The following PACRG variants were observed in gnomAD, a reference collection of about 807,000 sequenced individuals.
The protein encoded by PACRG is parkin coregulated gene protein.
In PACRG, 29 loss-of-function variants were observed where a neutral mutation model predicts 29.7. That is an observed-to-expected ratio of 0.98 (90% CI 0.73 to 1.33). PACRG has a LOEUF of 1.33. Among genes scored for constraint, PACRG ranks in the 40% most tolerant of loss-of-function variants. The probability of loss-of-function intolerance (pLI) is 0.00; values close to 1 mark genes in which losing one functional copy is unlikely to be tolerated. For synonymous variants in PACRG, 116 were observed against 118.7 expected (o/e 0.98, Z 0.15); for missense variants, 279 against 316.2 (o/e 0.88, Z 0.89).
At chr6:163,198,315 T>C (rs2128148092) in intron 4 of PACRG, among the ~76,000 whole-genome samples, 1 of 152,330 alleles carries the variant, frequency 6.6e-6, no homozygotes, top group South Asian at 2.1e-4. Context: ...TATTCAGAGT[T>C]TGATTATTTG....
chr6:162,899,304 A>G (rs950401228), intron 2 of PACRG, among the ~76,000 whole-genome samples: 1 of 152,160 alleles, frequency 6.6e-6, no homozygotes, highest in Admixed American at 6.5e-5. Flanking sequence ...TGAAGACAGG[A>G]GAGCTGGCAT....
chr6:163,009,750 C>T, intron 2 of PACRG, among the ~76,000 whole-genome samples: 1 of 152,188 alleles, frequency 6.6e-6, no homozygotes, highest in Non-Finnish European at 1.5e-5. Context: ...ATTTACACCT[C>T]TGGAAGCTGT....
At chr6:162,934,658 C>T (rs1327341928) in intron 2 of PACRG, among the ~76,000 whole-genome samples, 1 of 151,962 alleles carries the variant, frequency 6.6e-6, no homozygotes, top group African/African-American at 2.4e-5. Flanking sequence ...TCCTTTGTTT[C>T]TTTCTTCCTC....
chr6:162,844,257 G>T (rs1194287126), intron 2 of PACRG, among the ~76,000 whole-genome samples: 2 of 152,152 alleles, frequency 1.3e-5, no homozygotes, highest in Non-Finnish European at 2.9e-5. Context: ...GAGACTCCGT[G>T]GGCGTAGGAC....
chr6:162,747,933 A>G (rs1471201039), intron 1 of PACRG, among the ~76,000 whole-genome samples: 1 of 152,140 alleles, frequency 6.6e-6, no homozygotes, highest in Non-Finnish European at 1.5e-5. Flanking sequence ...AAGAAGGGAG[A>G]ACATTCTGGA....
intron 4 of PACRG, chr6:163,191,108 AC>A (rs1309640402): frequency 1.3e-5 from 5 of 389,336 alleles, no homozygotes; most frequent in African/African-American, 1.0e-4. Flanking sequence ...TAAAAGAGGG[AC>A]TATGTATTCA....
At chr6:163,188,894 A>G (rs943924479) in intron 4 of PACRG, among the ~76,000 whole-genome samples, 2 of 152,242 alleles carry the variant, frequency 1.3e-5, no homozygotes, top group African/African-American at 4.8e-5. Flanking sequence ...ATTCATTTGC[A>G]GACATTGACT....
intron 1 of PACRG, among the ~76,000 whole-genome samples, chr6:162,806,964 T>A (rs777356160): frequency 1.3e-5 from 2 of 152,222 alleles, no homozygotes; most frequent in Non-Finnish European, 1.5e-5. Flanking sequence ...CTTAGGTAGA[T>A]CTTCTGGAAA....
chr6:162,785,196 GA>G (rs1784372716), intron 1 of PACRG, among the ~76,000 whole-genome samples: 2 of 151,254 alleles, frequency 1.3e-5, no homozygotes, highest in African/African-American at 4.9e-5. Flanking sequence ...GAGAGAGAGA[GA>G]GAGAGGGAGA....
intron 2 of PACRG, among the ~76,000 whole-genome samples, chr6:163,026,288 A>G (rs1296573134): frequency 6.6e-6 from 1 of 152,252 alleles, no homozygotes; most frequent in Non-Finnish European, 1.5e-5. Flanking sequence ...TTTGATTCAG[A>G]CAAATGTCAA....
chr6:163,158,871 A>G (rs10945876), intron 4 of PACRG, among the ~76,000 whole-genome samples: 35,918 of 151,908 alleles, frequency 0.24, 5,372 homozygotes, highest in African/African-American at 0.42. Context: ...TTTGCAATGG[A>G]ATTGCAAAAC....
At chr6:163,088,058 G>C (rs930333760) in intron 3 of PACRG, among the ~76,000 whole-genome samples, 1 of 152,208 alleles carries the variant, frequency 6.6e-6, no homozygotes, top group African/African-American at 2.4e-5. Context: ...GGAAGAAAAA[G>C]AAGTTCAGGG....
intron 4 of PACRG, among the ~76,000 whole-genome samples, chr6:163,121,980 C>A (rs1320849922): frequency 6.6e-6 from 1 of 151,956 alleles, no homozygotes; most frequent in East Asian, 1.9e-4. Flanking sequence ...TTTTCTCTTT[C>A]TCTTTTTTCT....
At chr6:163,193,078 C>T (rs897527670) in intron 4 of PACRG, among the ~76,000 whole-genome samples, 5 of 152,138 alleles carry the variant, frequency 3.3e-5, no homozygotes, top group Non-Finnish European at 5.9e-5. Context: ...TTGATACAGA[C>T]ATTTGAAGCC....
intron 4 of PACRG, among the ~76,000 whole-genome samples, chr6:163,275,733 A>C (rs1396118900): frequency 1.3e-5 from 2 of 152,150 alleles, no homozygotes; most frequent in African/African-American, 2.4e-5. Flanking sequence ...TTTAAAATTC[A>C]GTAACATAGG....
intron 2 of PACRG, among the ~76,000 whole-genome samples, chr6:162,965,912 A>G (rs1472196142): frequency 6.6e-6 from 1 of 152,234 alleles, no homozygotes; most frequent in Non-Finnish European, 1.5e-5. Flanking sequence ...AGGGCTTGAG[A>G]TTGTGCAGAA....
At chr6:162,878,760 T>C (rs781168551) in intron 2 of PACRG, among the ~76,000 whole-genome samples, 1 of 152,218 alleles carries the variant, frequency 6.6e-6, no homozygotes, top group Admixed American at 6.5e-5. Context: ...TTCCCCAATA[T>C]GTTGTTTCTA....
At chr6:163,304,792 G>T (rs1161128273) in intron 4 of PACRG, among the ~76,000 whole-genome samples, 1 of 152,208 alleles carries the variant, frequency 6.6e-6, no homozygotes, top group South Asian at 2.1e-4. Context: ...CTGTGGAGGA[G>T]AATGCAAGTG....
At chr6:163,111,605 C>A (rs1815717113) in intron 4 of PACRG, among the ~76,000 whole-genome samples, 1 of 152,088 alleles carries the variant, frequency 6.6e-6, no homozygotes, top group Non-Finnish European at 1.5e-5. Context: ...GCTTTTAGCC[C>A]CCTCCCTTTG....
Sources: allele counts gnomAD v4.1 joint callset (sites outside exome capture counted in the v4.1 genomes callset), GRCh38; gene constraint gnomAD v4.1.1; transcripts MANE v1.5; gene names NCBI Gene and HGNC (gene_info 2026-07-23, HGNC 2026-07-21).